Variants in KLB observed in about 807,000 individuals in gnomAD.
KLB encodes klotho beta.
In KLB, 44 loss-of-function variants were observed where a neutral mutation model predicts 88.4. The ratio of observed to expected loss-of-function variants is 0.50; its 90% CI spans 0.39 to 0.64. The LOEUF is 0.64. Among genes scored for constraint, KLB ranks in the 30% least tolerant of loss-of-function variants. The probability of loss-of-function intolerance (pLI) is 0.00; values close to 1 mark genes in which losing one functional copy is unlikely to be tolerated. For missense variants in KLB, 1,137 were observed against 1,304.8 expected (o/e 0.87, Z 1.98); for synonymous variants, 548 against 513.4 (o/e 1.07, Z -0.91).
chr4:39,446,234 G>T lies in KLB; in HGVS notation c.1606-98G>T. On this transcript the variant is annotated intron_variant, in intron 3 of 4. Transcript: ENST00000257408. This position sits in a 1 kb window ranked among gnomAD's most constrained non-coding sequence, Gnocchi z 6.4. ...GGGCTGGAATAGGCCTGGCGTGGTG[G>T]CCTGTAATCCCAGCACTTTGGGAGG... is the stretch of plus-strand genomic sequence containing the variant. The T allele has an allele frequency of 1.8e-6, 2 of 1,093,424 alleles. No individual in the cohort carries two copies. Among genetic ancestry groups the T allele is most frequent in the South Asian group, 1.5e-5 (1 of 64,984 alleles). The allele number at this position is 1,093,424 out of a possible 1,614,324, so 67.7% of individuals were successfully genotyped here.
intron 1 of KLB, among the ~76,000 whole-genome samples, chr4:39,426,390 G>A (rs1446263479): frequency 7.4e-6 from 1 of 134,324 alleles, no homozygotes; most frequent in African/African-American, 2.7e-5. Flanking sequence ...ACTCCAGCTG[G>A]GTGACAGAGC....
chr4:39,425,181 A>G (rs1021814467), intron 1 of KLB, among the ~76,000 whole-genome samples: 1 of 152,200 alleles, frequency 6.6e-6, no homozygotes, highest in African/African-American at 2.4e-5. Flanking sequence ...ATTTCTTCCA[A>G]TTTCTAATAG....
intron 1 of KLB, among the ~76,000 whole-genome samples, chr4:39,427,702 C>T (rs185867658): frequency 1.7e-3 from 261 of 152,248 alleles, no homozygotes; most frequent in Non-Finnish European, 3.1e-3. Context: ...GTCTCCATTA[C>T]GATTTTCTAG....
intron 3 of KLB, among the ~76,000 whole-genome samples, chr4:39,440,026 G>GGTC: frequency 6.6e-6 from 1 of 150,464 alleles, no homozygotes; most frequent in East Asian, 2.0e-4. Flanking sequence ...CTGGTCTTGA[G>GGTC]CTCCTGACCT....
intron 1 of KLB, among the ~76,000 whole-genome samples, chr4:39,411,696 A>G (rs757235741): frequency 8.6e-5 from 13 of 151,582 alleles, no homozygotes; most frequent in Non-Finnish European, 5.9e-5. Flanking sequence ...TGGCTTGGCC[A>G]TTTTTAAGCA....
In KLB at chr4:39,446,639, T is replaced by C. The variant is rs1469778674; in HGVS notation, c.1913T>C (p.Met638Thr). Residue 638 changes from methionine to threonine, a missense_variant, in exon 4 of 5, where the codon ATG becomes ACG. Physicochemically the swap from Met to Thr is moderately conservative, Grantham distance 81. Coordinates refer to ENST00000257408, the MANE Select transcript of KLB (RefSeq NM_175737.4). This position sits in a 1 kb window ranked among gnomAD's most constrained non-coding sequence, Gnocchi z 6.4. ...SEGLKLGISA[M>T]VTLYYPTHAH... ...GGGCTGAAGCTTGGCATCTCCGCGA[T>C]GGTCACCCTGTATTATCCGACCCAC... 2.5e-6 allele frequency: 4 copies of C among 1,613,508 alleles called. No individual in the cohort carries two copies. The highest frequency in any genetic ancestry group is 8.5e-7 in the Non-Finnish European group (1 of 1,179,572).
intron 3 of KLB, among the ~76,000 whole-genome samples, chr4:39,443,790 A>T (rs935331368): frequency 1.3e-5 from 2 of 150,148 alleles, no homozygotes; most frequent in African/African-American, 4.9e-5. Flanking sequence ...AAAAAGAAGA[A>T]ATCTGATGTT....
In KLB at chr4:39,407,380, T is replaced by C; in HGVS notation, c.431T>C (p.Ile144Thr). 1 of 1,613,808 alleles carries C rather than the reference T, an allele frequency of 6.2e-7. No individual in the cohort carries two copies. The highest frequency in any genetic ancestry group is 8.5e-7 in the Non-Finnish European group (1 of 1,179,944). ...LEKDLSALDF[I>T]GVSFYQFSIS... The stretch of plus-strand genomic sequence containing the variant: ...AAAGACTTATCAGCCCTGGATTTTA[T>C]AGGAGTTTCTTTTTATCAATTTTCA... The change falls in exon 1 of 5, where the codon ATA (isoleucine) becomes ACA (threonine). Residue 144 changes from isoleucine to threonine, a missense_variant. Physicochemically the swap from Ile to Thr is moderately conservative, Grantham distance 89 (BLOSUM62 -1). Coordinates refer to ENST00000257408, the MANE Select transcript of KLB (RefSeq NM_175737.4).
chr4:39,450,780 C>T lies in KLB; in HGVS notation c.*2094C>T, dbSNP rs1354855062. On this transcript the variant is annotated 3_prime_UTR_variant, in exon 5 of 5. Transcript: ENST00000257408. Reference sequence around the variant, plus strand: ...TTCCCCTTTGTGCCACATTGATTCACCCTGACCCAAGAACTCCAGGGAAAA... The same window carrying T: ...TTCCCCTTTGTGCCACATTGATTCATCCTGACCCAAGAACTCCAGGGAAAA... 1.3e-5 allele frequency: 2 copies of T among 152,026 alleles called. No homozygotes were observed. The highest frequency in any genetic ancestry group is 4.8e-5 in the African/African-American group (2 of 41,442). The allele number at this position is 152,026 out of a possible 1,614,324, so 9.4% of individuals were successfully genotyped here.
Position 39,407,343 on chromosome 4 carries a change from A to G in KLB, c.394A>G (p.Ile132Val). The change falls in exon 1 of 5, where the codon ATT becomes GTT. Residue 132 changes from isoleucine (I) to valine (V), a missense_variant. Ile to Val is a conservative substitution (Grantham distance 29). Coordinates refer to ENST00000257408, the MANE Select transcript of KLB (RefSeq NM_175737.4). ...CACGAATGGTTCCAGTGACAGTTAT[A>G]TTTTTCTGGAAAAAGACTTATCAGC... ...SSTNGSSDSYIFLEKDLSALD... is the reference protein window; with the variant it reads ...SSTNGSSDSYVFLEKDLSALD... 6.2e-7 allele frequency: 1 copy of G among 1,614,046 alleles called. No homozygotes were observed. The highest frequency in any genetic ancestry group is 8.5e-7 in the Non-Finnish European group (1 of 1,179,986).
intron 3 of KLB, among the ~76,000 whole-genome samples, chr4:39,445,888 C>A (rs914286791): frequency 2.0e-4 from 31 of 152,018 alleles, no homozygotes; most frequent in African/African-American, 6.5e-4. Context: ...CCTACCCCAC[C>A]GCACCAGCCT....
At chr4:39,420,425 G>A (rs973671104) in intron 1 of KLB, among the ~76,000 whole-genome samples, 3 of 152,242 alleles carry the variant, frequency 2.0e-5, no homozygotes, top group Middle Eastern at 3.4e-3. Flanking sequence ...TTACATTTAA[G>A]TCTGCTTTTT....
chr4:39,434,480 A>G lies in KLB; in HGVS notation c.1096A>G (p.Thr366Ala), dbSNP rs1280427581. ...SEAEKHEMRG[T>A]ADFFAFSFGP... The stretch of plus-strand genomic sequence containing the variant: ...AGCAGAGAAGCATGAGATGAGAGGC[A>G]CAGCTGATTTCTTTGCCTTTTCTTT... Residue 366 changes from threonine (T) to alanine (A), a missense_variant, in exon 2 of 5, where the codon ACA becomes GCA. By Grantham distance (58) the Thr-to-Ala change is moderately conservative. This residue lies in a region of KLB where 597 missense variants were observed against 765.2 expected (regional missense o/e 0.78). Transcript: ENST00000257408. 2 of 1,614,222 alleles carry G rather than the reference A, an allele frequency of 1.2e-6. No individual in the cohort carries two copies. The highest frequency in any genetic ancestry group is 2.2e-5 in the East Asian group (1 of 44,890).
chr4:39,442,767 G>T (rs147165112), intron 3 of KLB, among the ~76,000 whole-genome samples: 1 of 152,070 alleles, frequency 6.6e-6, no homozygotes, highest in Non-Finnish European at 1.5e-5. Context: ...TTGATAAATT[G>T]CGGACATCAT....
At chr4:39,432,990 C>T (rs1236382909) in intron 1 of KLB, among the ~76,000 whole-genome samples, 1 of 151,864 alleles carries the variant, frequency 6.6e-6, no homozygotes, top group Non-Finnish European at 1.5e-5. Flanking sequence ...AGCGATTATC[C>T]TGCCTCAGCC....
In KLB at chr4:39,450,462, T is replaced by TA. The variant is rs1445507423; in HGVS notation, c.*1777dup. 6 of 152,176 alleles carry TA rather than the reference T, an allele frequency of 3.9e-5. No individual in the cohort carries two copies. Among genetic ancestry groups the TA allele is most frequent in the Non-Finnish European group, 8.8e-5 (6 of 68,036 alleles). The allele number at this position is 152,176 out of a possible 1,614,324, so 9.4% of individuals were successfully genotyped here. On this transcript the variant is annotated 3_prime_UTR_variant, in exon 5 of 5. Transcript: ENST00000257408. The stretch of plus-strand genomic sequence containing the variant: ...TTCCAAAATACTGTAAAAATACAAT[T>TA]AGTCAATTTGAGTAAATGCAAATAT...
chr4:39,435,805 C>T (rs1217584387), intron 2 of KLB, among the ~76,000 whole-genome samples: 1 of 152,170 alleles, frequency 6.6e-6, no homozygotes, highest in African/African-American at 2.4e-5. Context: ...GAACAGAATC[C>T]TTTCAGACTA....
intron 3 of KLB, among the ~76,000 whole-genome samples, chr4:39,444,813 C>T (rs1293655529): frequency 6.6e-6 from 1 of 152,088 alleles, no homozygotes; most frequent in Non-Finnish European, 1.5e-5. Context: ...CTCACATGAT[C>T]AATGTTCTCT....
chr4:39,434,166 TGTAA>T, intron 1 of KLB, 40 bp from the exon 2 acceptor site: 1 of 1,545,546 alleles, frequency 6.5e-7, no homozygotes, highest in Non-Finnish European at 8.8e-7. Flanking sequence ...TTACAGCCCT[TGTAA>T]GTGAGGACAA....
Sources: allele counts gnomAD v4.1 joint callset (sites outside exome capture counted in the v4.1 genomes callset), GRCh38; gene constraint gnomAD v4.1.1; regional missense constraint gnomAD v4.1.1; non-coding constraint Gnocchi (gnomAD v3.1); transcripts MANE v1.5; gene names NCBI Gene and HGNC (gene_info 2026-07-23, HGNC 2026-07-21).